VIPR2: variants seen among roughly 807,000 people sequenced by gnomAD.
VIPR2 encodes vasoactive intestinal polypeptide receptor 2.
VIPR2 carries 48 observed loss-of-function variants against 58.0 expected under a neutral mutation model. That is an observed-to-expected ratio of 0.83 (90% CI 0.66 to 1.05). VIPR2 has a LOEUF of 1.05. Ranked by LOEUF, VIPR2 falls within the 50% of genes least tolerant of loss-of-function variation. VIPR2 has a pLI of 0.00. For missense variants in VIPR2, 534 were observed against 558.0 expected (o/e 0.96, Z 0.43); for synonymous variants, 243 against 235.2 (o/e 1.03, Z -0.30).
intron 2 of VIPR2, among the ~76,000 whole-genome samples, chr7:159,134,681 G>A (rs564572910): frequency 3.5e-4 from 52 of 150,020 alleles, no homozygotes; most frequent in African/African-American, 1.1e-3. Flanking sequence ...TTTTTGAGAC[G>A]GAGTCTTGCT....
chr7:159,135,031 A>ATTTTTT lies in VIPR2; in HGVS notation c.151+7414_151+7415insAAAAAA, dbSNP rs1491429443. On this transcript the variant is annotated intron_variant, in intron 2 of 12. Transcript: ENST00000262178. ...TTTTTTTTTTTTTTTTTTTTTTTTT[A>ATTTTTT]ACATTTTAAGTAATTGGCCTAGAAA... Among the ~76,000 whole-genome samples the ATTTTTT allele has an allele frequency of 1.8e-3, 188 of 105,288 alleles. 6 individuals carry two copies. The highest frequency in any genetic ancestry group is 7.6e-3 in the African/African-American group (178 of 23,464). The allele number at this position is 105,288 out of a possible 152,430, so 69.1% of individuals were successfully genotyped here.
chr7:159,067,324 T>C (rs1039138776), intron 4 of VIPR2, among the ~76,000 whole-genome samples: 3 of 152,244 alleles, frequency 2.0e-5, no homozygotes, highest in Admixed American at 1.3e-4. Context: ...TGTGCAGCTA[T>C]AGGATTTATT....
At position 159,096,888 on chromosome 7, in the gene VIPR2, C is replaced by T. The variant is rs1341569720; in HGVS notation, c.357+6869G>A. ...ATGGCTGAGACCACCCTCTCTGTGG[C>T]CGCCTTGCTGTCCCCGTTCCCATCA... On this transcript the variant is annotated intron_variant, in intron 4 of 12. Transcript: ENST00000262178. The surrounding 1 kb of genome is among the most constrained non-coding windows in gnomAD (Gnocchi z 5.5). 18 of 1,548,886 alleles carry T rather than the reference C, an allele frequency of 1.2e-5. No individual in the cohort carries two copies. The highest frequency in any genetic ancestry group is 2.4e-5 in the East Asian group (1 of 40,876).
chr7:159,135,020 T>TTTTTTTTTA (rs1563357342), intron 2 of VIPR2, among the ~76,000 whole-genome samples: 7 of 138,154 alleles, frequency 5.1e-5, no homozygotes, highest in African/African-American at 2.0e-4. Context: ...TTTTTTTTTT[T>TTTTTTTTTA]TTTTTTTTTT....
chr7:159,066,789 ATACT>A (rs1168261775), intron 4 of VIPR2, among the ~76,000 whole-genome samples: 5 of 152,260 alleles, frequency 3.3e-5, no homozygotes, highest in Non-Finnish European at 1.5e-5. Flanking sequence ...ATACTGATAA[ATACT>A]TAGCAAGAAA....
intron 5 of VIPR2, among the ~76,000 whole-genome samples, chr7:159,052,170 T>A (rs1855050287): frequency 6.6e-6 from 1 of 152,068 alleles, no homozygotes; most frequent in South Asian, 2.1e-4. Flanking sequence ...ACTGATAAAA[T>A]TGGTAACACT....
rs1314638948 is a variant in VIPR2, at chr7:159,099,085, A to G, written c.357+4672T>C. Among the ~76,000 whole-genome samples, 1 of 152,256 alleles carries G rather than the reference A, an allele frequency of 6.6e-6. No individual in the cohort carries two copies. The highest frequency in any genetic ancestry group is 1.5e-5 in the Non-Finnish European group (1 of 68,052). ...GTCTTGGAAGCGAGTCCCTAAACCAACCAAGTATTCAAAGTATTCAACGAG... is the reference window on the plus strand; with the variant it reads ...GTCTTGGAAGCGAGTCCCTAAACCAGCCAAGTATTCAAAGTATTCAACGAG... On this transcript the variant is annotated intron_variant, in intron 4 of 12. Transcript: ENST00000262178. The surrounding 1 kb of genome is among the most constrained non-coding windows in gnomAD (Gnocchi z 4.2).
intron 4 of VIPR2, among the ~76,000 whole-genome samples, chr7:159,077,803 T>C (rs1368280578): frequency 6.6e-6 from 1 of 152,190 alleles, no homozygotes; most frequent in Non-Finnish European, 1.5e-5. Context: ...TACTAAGGTG[T>C]ACCTGTTATC....
At chr7:159,132,616 T>C (rs1796968322) in intron 2 of VIPR2, among the ~76,000 whole-genome samples, 3 of 152,246 alleles carry the variant, frequency 2.0e-5, no homozygotes, top group Admixed American at 2.0e-4. Flanking sequence ...GAGAAATGGG[T>C]GCAGCTCAGG....
chr7:159,128,400 C>T lies in VIPR2; in HGVS notation c.151+14046G>A, dbSNP rs111729622. ...TGCTGGCACCAGGACACACCTTATG[C>T]CCCTCAGATGACTGAGGTCCTAACA... On this transcript the variant is annotated intron_variant, in intron 2 of 12. Coordinates refer to ENST00000262178, the MANE Select transcript of VIPR2 (RefSeq NM_003382.5). The surrounding 1 kb of genome is among the most constrained non-coding windows in gnomAD (Gnocchi z 4.1). Among the ~76,000 whole-genome samples the T allele has an allele frequency of 1.3e-5, 2 of 152,172 alleles. No individual in the cohort carries two copies. The highest frequency in any genetic ancestry group is 4.8e-5 in the African/African-American group (2 of 41,446).
chr7:159,131,399 A>T (rs1320709714), intron 2 of VIPR2, among the ~76,000 whole-genome samples: 1 of 152,142 alleles, frequency 6.6e-6, no homozygotes, highest in African/African-American at 2.4e-5. Context: ...GAGATCAGCC[A>T]TTTCCTCTAC....
intron 2 of VIPR2, among the ~76,000 whole-genome samples, chr7:159,125,006 AGTT>A (rs2129497057): frequency 6.6e-6 from 1 of 152,314 alleles, no homozygotes; most frequent in South Asian, 2.1e-4. Context: ...ACTTTGCTGA[AGTT>A]GTTTATCAGC....
rs1191744955 is a variant in VIPR2 at position 159,031,541 on chromosome 7, T to C, written c.1143+287A>G. On this transcript the variant is annotated intron_variant, in intron 12 of 12. Coordinates refer to ENST00000262178, the MANE Select transcript of VIPR2 (RefSeq NM_003382.5). This position sits in a 1 kb window ranked among gnomAD's most constrained non-coding sequence, Gnocchi z 4.0. ...GCCGACCATGGGGAAAAACAGATTC[T>C]GTCTAGACCCGGCCGGGAGCTTTCC... 1 of 985,184 alleles carries C rather than the reference T, an allele frequency of 1.0e-6. No homozygotes were observed. Among genetic ancestry groups the C allele is most frequent in the Non-Finnish European group, 1.2e-6 (1 of 829,912 alleles). 61.0% of individuals were successfully genotyped at this position (985,184 alleles called of 1,614,324 possible).
In VIPR2 at chr7:159,096,938, C is replaced by G. The variant is rs757672389; in HGVS notation, c.357+6819G>C. 2.6e-6 allele frequency: 4 copies of G among 1,550,592 alleles called. No individual in the cohort carries two copies. The South Asian group carries it at 4.8e-5, about 18-fold the overall frequency. The stretch of plus-strand genomic sequence containing the variant: ...ACTCGATGAGCCAATGCCCTCGTGG[C>G]TGGCATTGAGCTTGGCACCTGCTGG... On this transcript the variant is annotated intron_variant, in intron 4 of 12. Coordinates refer to ENST00000262178, the MANE Select transcript of VIPR2 (RefSeq NM_003382.5). This position sits in a 1 kb window ranked among gnomAD's most constrained non-coding sequence, Gnocchi z 5.5.
At chr7:159,109,038 C>T (rs1241217025) in intron 3 of VIPR2, among the ~76,000 whole-genome samples, 1 of 152,230 alleles carries the variant, frequency 6.6e-6, no homozygotes, top group Non-Finnish European at 1.5e-5. Flanking sequence ...TAAAACACTA[C>T]AGCATTATTA....
chr7:159,141,564 T>A (rs1274523887), intron 2 of VIPR2, among the ~76,000 whole-genome samples: 1 of 152,250 alleles, frequency 6.6e-6, no homozygotes, highest in East Asian at 1.9e-4. Context: ...TAGCATCAAA[T>A]AAGAATGCAA....
chr7:159,140,760 C>T (rs938472667), intron 2 of VIPR2, among the ~76,000 whole-genome samples: 3 of 152,288 alleles, frequency 2.0e-5, no homozygotes, highest in African/African-American at 4.8e-5. Flanking sequence ...CGGCCCCTAG[C>T]GCCCGATATG....
At chr7:159,069,142 T>A (rs750550214) in intron 4 of VIPR2, among the ~76,000 whole-genome samples, 2 of 152,132 alleles carry the variant, frequency 1.3e-5, no homozygotes, top group Non-Finnish European at 2.9e-5. Context: ...GGCTGTGCGG[T>A]GTCCACTCCA....
In VIPR2 at chr7:159,144,828, C is replaced by G; in HGVS notation, c.-57G>C. The G allele has an allele frequency of 8.1e-7, 1 of 1,227,904 alleles. No homozygotes were observed. The highest frequency in any genetic ancestry group is 3.2e-5 in the East Asian group (1 of 31,412). The allele number at this position is 1,227,904 out of a possible 1,614,324, so 76.1% of individuals were successfully genotyped here. On this transcript the variant is annotated 5_prime_UTR_variant, in exon 1 of 13. Transcript: ENST00000262178. ...GCCCGCCGCCTCCGTCCTAGGTCCC[C>G]GCGGTTCCGCCGCCTCCAGCATGGG...
Sources: allele counts gnomAD v4.1 joint callset (sites outside exome capture counted in the v4.1 genomes callset), GRCh38; gene constraint gnomAD v4.1.1; non-coding constraint Gnocchi (gnomAD v3.1); transcripts MANE v1.5; gene names NCBI Gene and HGNC (gene_info 2026-07-23, HGNC 2026-07-21).